Variants in GLIS3 observed in about 807,000 individuals in gnomAD.
GLIS3 encodes GLIS family zinc finger 3, also known as zinc finger protein GLIS3.
A neutral mutation model predicts 78.6 loss-of-function variants in GLIS3; 53 were observed. That is an observed-to-expected ratio of 0.67 (90% confidence interval 0.54 to 0.85). The LOEUF (loss-of-function observed/expected upper bound fraction) is 0.85. GLIS3 is among the 40% of genes least tolerant of loss of function. GLIS3 has a pLI of 0.00. For synonymous variants in GLIS3, 684 were observed against 509.9 expected (o/e 1.34, Z -4.60); for missense variants, 1,703 against 1,231.1 (o/e 1.38, Z -5.74).
intron 2 of GLIS3, among the ~76,000 whole-genome samples, chr9:4,264,434 C>A (rs1389890057): frequency 6.6e-6 from 1 of 152,164 alleles, no homozygotes; most frequent in Non-Finnish European, 1.5e-5. Context: ...ACACGATGTC[C>A]TTTTTTAAAA....
intron 2 of GLIS3, among the ~76,000 whole-genome samples, chr9:4,154,642 G>A (rs910055251): frequency 2.0e-4 from 31 of 151,970 alleles, no homozygotes; most frequent in African/African-American, 7.3e-4. Flanking sequence ...AAAACAAAGG[G>A]CCTAACCAAT....
chr9:4,114,453 G>A (rs1026392160), intron 4 of GLIS3, among the ~76,000 whole-genome samples: 1 of 152,120 alleles, frequency 6.6e-6, no homozygotes, highest in African/African-American at 2.4e-5. Context: ...GACTTGTTCT[G>A]ACCTGTGACC....
At chr9:4,071,160 G>A (rs1165423155) in intron 4 of GLIS3, 1 of 152,184 alleles carries the variant, frequency 6.6e-6, no homozygotes, top group African/African-American at 2.4e-5. Flanking sequence ...AGGAGACAAT[G>A]CAACGTTGGG....
chr9:4,026,550 G>A (rs1011228857), intron 4 of GLIS3, among the ~76,000 whole-genome samples: 1 of 151,992 alleles, frequency 6.6e-6, no homozygotes, highest in Non-Finnish European at 1.5e-5. Context: ...ATCTATCTAA[G>A]TATACATATA....
chr9:4,048,615 C>T (rs1825452291), intron 4 of GLIS3, among the ~76,000 whole-genome samples: 1 of 152,170 alleles, frequency 6.6e-6, no homozygotes, highest in African/African-American at 2.4e-5. Flanking sequence ...AGAAGCATCT[C>T]TTCAAAGAGA....
intron 6 of GLIS3, among the ~76,000 whole-genome samples, chr9:3,931,777 AT>A (rs1655602197): frequency 6.6e-6 from 1 of 152,170 alleles, no homozygotes; most frequent in South Asian, 2.1e-4. Flanking sequence ...AACTTTGAAA[AT>A]GCGTTCACCC....
chr9:4,047,500 T>C (rs1207397471), intron 4 of GLIS3, among the ~76,000 whole-genome samples: 1 of 152,194 alleles, frequency 6.6e-6, no homozygotes, highest in African/African-American at 2.4e-5. Context: ...CTGCTCTGAA[T>C]TACAAACAAA....
chr9:4,314,151 A>G (rs1289459923), intron 2 of GLIS3, among the ~76,000 whole-genome samples: 1 of 152,230 alleles, frequency 6.6e-6, no homozygotes, highest in Non-Finnish European at 1.5e-5. Flanking sequence ...TACTTATCTC[A>G]TAGGATGGTC....
intron 4 of GLIS3, among the ~76,000 whole-genome samples, chr9:4,006,660 T>C (rs991856770): frequency 6.6e-6 from 1 of 152,180 alleles, no homozygotes; most frequent in Non-Finnish European, 1.5e-5. Context: ...AACACTGAGG[T>C]TTAGGGGTCT....
At chr9:4,021,866 C>T (rs532921469) in intron 4 of GLIS3, among the ~76,000 whole-genome samples, 4 of 152,282 alleles carry the variant, frequency 2.6e-5, no homozygotes, top group South Asian at 2.1e-4. Flanking sequence ...TCGGGCACAA[C>T]ATATCTCTAA....
chr9:4,251,795 G>C (rs150461695), intron 2 of GLIS3, among the ~76,000 whole-genome samples: 2,831 of 152,224 alleles, frequency 0.019, 94 homozygotes, highest in African/African-American at 0.064. Flanking sequence ...TGTAAGGCAG[G>C]CCTGGTAGTG....
chr9:4,119,827 AT>A, intron 3 of GLIS3, among the ~76,000 whole-genome samples: 1 of 152,204 alleles, frequency 6.6e-6, no homozygotes, highest in Non-Finnish European at 1.5e-5. Context: ...TTTAAAATTC[AT>A]TTTGCTTTAC....
At chr9:4,227,941 A>G (rs1821916174) in intron 2 of GLIS3, among the ~76,000 whole-genome samples, 1 of 152,232 alleles carries the variant, frequency 6.6e-6, no homozygotes, top group African/African-American at 2.4e-5. Flanking sequence ...TTGTGTTGAA[A>G]TTGTTTGGGA....
the GLIS3 span, among the ~76,000 whole-genome samples, chr9:4,410,236 C>T: frequency 4.6e-5 from 7 of 151,898 alleles, no homozygotes; most frequent in African/African-American, 1.7e-4. Flanking sequence ...CTTGGCTTCC[C>T]AAAGTGCTGG....
At chr9:4,373,670 C>CTTTT in the GLIS3 span, among the ~76,000 whole-genome samples, 4 of 139,762 alleles carry the variant, frequency 2.9e-5, no homozygotes, top group Non-Finnish European at 4.7e-5. Context: ...ATTTTCTTTT[C>CTTTT]TTTTTTTTTT....
intron 4 of GLIS3, among the ~76,000 whole-genome samples, chr9:4,094,664 CT>C (rs977114176): frequency 5.3e-4 from 80 of 152,318 alleles, no homozygotes; most frequent in African/African-American, 1.9e-3. Context: ...CATTTCTCAA[CT>C]AGCCAGTGTT....
At chr9:4,090,168 T>C (rs1439855749) in intron 4 of GLIS3, among the ~76,000 whole-genome samples, 2 of 152,108 alleles carry the variant, frequency 1.3e-5, no homozygotes, top group African/African-American at 4.8e-5. Context: ...GTGACACAGG[T>C]GACTGGCATT....
intron 4 of GLIS3, among the ~76,000 whole-genome samples, chr9:4,008,196 A>G (rs1233321766): frequency 6.6e-6 from 1 of 152,160 alleles, no homozygotes; most frequent in African/African-American, 2.4e-5. Context: ...GGGATGCTAT[A>G]AGATCCCTGA....
At chr9:4,463,157 T>C in the GLIS3 span, among the ~76,000 whole-genome samples, 8 of 152,308 alleles carry the variant, frequency 5.3e-5, no homozygotes, top group Middle Eastern at 6.8e-3. Context: ...AATATGTTGG[T>C]TGTCACAAAC....
Sources: allele counts gnomAD v4.1 joint callset (sites outside exome capture counted in the v4.1 genomes callset), GRCh38; gene constraint gnomAD v4.1.1; transcripts MANE v1.5; gene names NCBI Gene and HGNC (gene_info 2026-07-23, HGNC 2026-07-21).